The following IMMP2L variants were observed in gnomAD, a reference collection of about 807,000 sequenced individuals.
IMMP2L encodes mitochondrial inner membrane protease subunit 2.
IMMP2L carries 18 observed loss-of-function variants against 19.3 expected under a neutral mutation model. The observed-to-expected ratio is 0.93, with a 90% CI of 0.64 to 1.38. IMMP2L has a LOEUF of 1.38. IMMP2L is among the 40% of genes most tolerant of loss of function. The pLI is 0.00. For missense variants in IMMP2L, 233 were observed against 218.2 expected, an observed-to-expected ratio of 1.07 and a Z score of -0.43; for synonymous variants, 76 against 73.0, an observed-to-expected ratio of 1.04 and a Z score of -0.21.
At chr7:110,829,212 G>A (rs1341561792) in intron 5 of IMMP2L, among the ~76,000 whole-genome samples, 1 of 152,106 alleles carries the variant, frequency 6.6e-6, no homozygotes, top group Non-Finnish European at 1.5e-5. Context: ...AGGTGCTAAA[G>A]CTAAACTCCC....
chr7:110,732,376 G>T lies in IMMP2L; in HGVS notation c.409-68655C>A, dbSNP rs148776118. On this transcript the variant is annotated intron_variant, in intron 5 of 5. Transcript: ENST00000405709. ...TTAATCAAAACAGGAAGAATACAAA[G>T]ACCTAAAACAAGTCTCTATAATCTT... 3.1e-3 allele frequency among the ~76,000 whole-genome samples: 474 copies of T among 152,248 alleles called. 2 individuals are homozygous for T. Among genetic ancestry groups the T allele is most frequent in the African/African-American group, 0.011 (448 of 41,544 alleles).
At chr7:110,680,773 C>T (rs1792662970) in intron 5 of IMMP2L, among the ~76,000 whole-genome samples, 1 of 152,154 alleles carries the variant, frequency 6.6e-6, no homozygotes, top group Non-Finnish European at 1.5e-5. Context: ...GCGGAAGCAC[C>T]TGACCTGGGC....
chr7:110,929,465 T>C (rs1815234880), intron 4 of IMMP2L, among the ~76,000 whole-genome samples: 1 of 152,152 alleles, frequency 6.6e-6, no homozygotes, highest in Non-Finnish European at 1.5e-5. Flanking sequence ...TGAATTCCAT[T>C]TTATATCAGT....
chr7:110,741,108 G>A (rs1461170549), intron 5 of IMMP2L, among the ~76,000 whole-genome samples: 1 of 152,000 alleles, frequency 6.6e-6, no homozygotes. Flanking sequence ...ATCAACGAGT[G>A]GATAAAGAAA....
intron 3 of IMMP2L, among the ~76,000 whole-genome samples, chr7:110,998,479 C>G (rs1823274877): frequency 6.6e-6 from 1 of 152,150 alleles, no homozygotes; most frequent in Non-Finnish European, 1.5e-5. Context: ...CTCTCTCATT[C>G]TAGCAACTAT....
intron 3 of IMMP2L, among the ~76,000 whole-genome samples, chr7:111,066,385 A>T (rs1211969114): frequency 6.6e-6 from 1 of 152,214 alleles, no homozygotes; most frequent in Admixed American, 6.5e-5. Flanking sequence ...AGAATAATTA[A>T]AGGAATGAAA....
intron 3 of IMMP2L, among the ~76,000 whole-genome samples, chr7:111,007,280 A>T (rs1241561300): frequency 6.6e-6 from 1 of 152,006 alleles, no homozygotes; most frequent in East Asian, 1.9e-4. Context: ...TTATCCAAAC[A>T]CCTTCCTTCC....
chr7:110,885,180 T>TG, intron 5 of IMMP2L, among the ~76,000 whole-genome samples: 1 of 152,178 alleles, frequency 6.6e-6, no homozygotes, highest in South Asian at 2.1e-4. Flanking sequence ...TTTTGGATTT[T>TG]TTTTTTATTT....
intron 3 of IMMP2L, 96 bp downstream of exon 3, chr7:111,487,142 A>C (rs1227720753): frequency 1.7e-5 from 10 of 576,324 alleles, no homozygotes; most frequent in Non-Finnish European, 1.2e-5. Flanking sequence ...TCAATTTAAT[A>C]ATTGGCAATA....
intron 4 of IMMP2L, among the ~76,000 whole-genome samples, chr7:110,911,618 A>C (rs1288927144): frequency 6.6e-6 from 1 of 152,124 alleles, no homozygotes; most frequent in Non-Finnish European, 1.5e-5. Flanking sequence ...AGTTTTGAAA[A>C]ATTATCTGGG....
At chr7:111,522,938 T>TATATGTATATATATATATATATATATA (rs199823915) in intron 1 of IMMP2L, among the ~76,000 whole-genome samples, 32 of 148,762 alleles carry the variant, frequency 2.2e-4, no homozygotes, top group Middle Eastern at 3.4e-3. Flanking sequence ...TATATATATA[T>TATATGTATATATATATATATATATATA]TATTTCACCA....
At chr7:110,682,589 C>T (rs1041635310) in intron 5 of IMMP2L, among the ~76,000 whole-genome samples, 3 of 152,128 alleles carry the variant, frequency 2.0e-5, no homozygotes, top group Non-Finnish European at 4.4e-5. Flanking sequence ...CATTGCTTCT[C>T]ACCCGCCTGG....
chr7:110,714,247 A>C (rs1280959430), intron 5 of IMMP2L, among the ~76,000 whole-genome samples: 3 of 152,154 alleles, frequency 2.0e-5, no homozygotes, highest in Non-Finnish European at 4.4e-5. Flanking sequence ...CGTATGTTGA[A>C]CCAAACTTGC....
At chr7:111,349,666 A>G (rs1001979298) in intron 3 of IMMP2L, among the ~76,000 whole-genome samples, 3 of 152,156 alleles carry the variant, frequency 2.0e-5, no homozygotes, top group African/African-American at 7.2e-5. Context: ...CAAGGGGAGT[A>G]GAATGAAGTC....
chr7:110,715,016 G>A (rs984085483), intron 5 of IMMP2L, among the ~76,000 whole-genome samples: 1 of 152,056 alleles, frequency 6.6e-6, no homozygotes, highest in Non-Finnish European at 1.5e-5. Context: ...GTGTTTCCAG[G>A]AATTTATATA....
intron 1 of IMMP2L, among the ~76,000 whole-genome samples, chr7:111,521,877 T>C (rs1846365177): frequency 6.6e-6 from 1 of 152,146 alleles, no homozygotes. Flanking sequence ...TTGCAGCTAA[T>C]TGTGACCATG....
intron 3 of IMMP2L, among the ~76,000 whole-genome samples, chr7:111,080,849 T>A (rs780135331): frequency 6.6e-6 from 1 of 152,192 alleles, no homozygotes; most frequent in Non-Finnish European, 1.5e-5. Context: ...ACCAAATATA[T>A]ATCCATTTTA....
At chr7:110,669,142 T>C (rs1791713910) in intron 5 of IMMP2L, among the ~76,000 whole-genome samples, 2 of 150,974 alleles carry the variant, frequency 1.3e-5, no homozygotes, top group South Asian at 4.2e-4. Context: ...GATTTATCTT[T>C]AAGGAATTAG....
At chr7:111,504,525 G>A (rs1168838929) in intron 2 of IMMP2L, among the ~76,000 whole-genome samples, 2,936 of 151,970 alleles carry the variant, frequency 0.019, 93 homozygotes, top group African/African-American at 0.067. Context: ...TCAATCCTAA[G>A]CCAAAAGAAC....
Sources: gnomAD v4.1 joint callset for allele counts (sites outside exome capture counted in the v4.1 genomes callset) on GRCh38, gnomAD v4.1.1 for gene constraint, MANE v1.5 for transcripts, NCBI Gene and HGNC (gene_info 2026-07-23, HGNC 2026-07-21) for gene names.